The following ATRNL1 variants were observed in gnomAD, a reference collection of about 807,000 sequenced individuals.
The protein encoded by ATRNL1 is attractin-like protein 1.
In ATRNL1, 95 loss-of-function variants were observed where a neutral mutation model predicts 182.7. The observed-to-expected ratio is 0.52, with a 90% confidence interval of 0.44 to 0.62. ATRNL1 has a LOEUF of 0.62. ATRNL1 is among the 20% of genes least tolerant of loss of function. ATRNL1 has a pLI of 0.00. For missense variants in ATRNL1, 1,471 were observed against 1,679.5 expected, an observed-to-expected ratio of 0.88 and a Z score of 2.17; for synonymous variants, 576 against 568.3, an observed-to-expected ratio of 1.01 and a Z score of -0.19.
At chr10:115,487,882 T>C (rs1849103455) in intron 24 of ATRNL1, among the ~76,000 whole-genome samples, 1 of 152,222 alleles carries the variant, frequency 6.6e-6, no homozygotes, top group African/African-American at 2.4e-5. Context: ...TAAATAGCTC[T>C]TATTATTTTG....
At chr10:115,551,825 A>G (rs1218649574) in intron 26 of ATRNL1, among the ~76,000 whole-genome samples, 4 of 151,494 alleles carry the variant, frequency 2.6e-5, no homozygotes, top group African/African-American at 7.2e-5. Context: ...CCCCTTATCC[A>G]TAGTTTCAGT....
chr10:115,174,413 C>T (rs1847414860), intron 8 of ATRNL1, among the ~76,000 whole-genome samples: 1 of 151,698 alleles, frequency 6.6e-6, no homozygotes, highest in Non-Finnish European at 1.5e-5. Flanking sequence ...TAAAGTTAAG[C>T]AATACTCTTA....
intron 6 of ATRNL1, 114 bp from the exon 7 acceptor site, chr10:115,165,444 A>G: frequency 2.1e-6 from 1 of 481,712 alleles, no homozygotes; most frequent in East Asian, 3.1e-5. Flanking sequence ...TATTAGTTGT[A>G]ACTCTTTTTG....
chr10:115,685,833 A>G (rs1278152355), intron 26 of ATRNL1, among the ~76,000 whole-genome samples: 4 of 151,744 alleles, frequency 2.6e-5, no homozygotes, highest in African/African-American at 9.7e-5. Context: ...TATATTTTGC[A>G]TGTAATTTAA....
intron 24 of ATRNL1, among the ~76,000 whole-genome samples, chr10:115,476,046 A>G (rs1426946756): frequency 6.6e-6 from 1 of 151,270 alleles, no homozygotes; most frequent in Non-Finnish European, 1.5e-5. Flanking sequence ...TTTCTGATAT[A>G]TACTCTACAG....
intron 5 of ATRNL1, among the ~76,000 whole-genome samples, chr10:115,142,577 A>G (rs1334487735): frequency 6.6e-6 from 1 of 152,194 alleles, no homozygotes; most frequent in Non-Finnish European, 1.5e-5. Flanking sequence ...TCTTACCCTA[A>G]GTGAAATGAG....
intron 27 of ATRNL1, among the ~76,000 whole-genome samples, chr10:115,737,442 A>C (rs1176207278): frequency 5.9e-5 from 9 of 152,056 alleles, no homozygotes; most frequent in African/African-American, 1.9e-4. Flanking sequence ...TCTAAAAAAA[A>C]AAAAAGAAAA....
At chr10:115,871,695 A>G (rs2134418295) in intron 28 of ATRNL1, among the ~76,000 whole-genome samples, 1 of 152,168 alleles carries the variant, frequency 6.6e-6, no homozygotes, top group South Asian at 2.1e-4. Context: ...TGAAAGTCAT[A>G]ATTTTCCAAA....
chr10:115,095,886 G>C (rs2084999613), intron 1 of ATRNL1, among the ~76,000 whole-genome samples: 1 of 152,134 alleles, frequency 6.6e-6, no homozygotes, highest in South Asian at 2.1e-4. Context: ...TGGCTTTTGT[G>C]TGGGTGGGTT....
chr10:115,738,126 A>ATTTTTTTTTTTTTT lies in ATRNL1; in HGVS notation c.3903+10788_3903+10801dup, dbSNP rs10546896. ...ATAAAAAATGATTTAGAAGATAATG[A>ATTTTTTTTTTTTTT]TTTTTTTTTTTTTTTTTTTTTTTTT... On this transcript the variant is annotated intron_variant, in intron 27 of 28. Coordinates refer to ENST00000355044, the MANE Select transcript of ATRNL1 (RefSeq NM_207303.4). 1.6e-3 allele frequency among the ~76,000 whole-genome samples: 76 copies of ATTTTTTTTTTTTTT among 47,104 alleles called. 9 individuals are homozygous for ATTTTTTTTTTTTTT. Among genetic ancestry groups the ATTTTTTTTTTTTTT allele is most frequent in the African/African-American group, 2.8e-3 (43 of 15,224 alleles). 30.9% of individuals were successfully genotyped at this position (47,104 alleles called of 152,430 possible). A position where few individuals can be genotyped will look rare whatever the true frequency, so the allele number is the denominator to read the frequency against.
intron 28 of ATRNL1, among the ~76,000 whole-genome samples, chr10:115,849,957 C>T (rs573245835): frequency 1.3e-5 from 2 of 152,268 alleles, no homozygotes; most frequent in South Asian, 4.1e-4. Context: ...ATTGAAATAG[C>T]TTACCATACT....
chr10:115,624,632 G>T (rs1555024089), intron 26 of ATRNL1, among the ~76,000 whole-genome samples: 1 of 152,154 alleles, frequency 6.6e-6, no homozygotes, highest in African/African-American at 2.4e-5. Flanking sequence ...GTATTTTGAA[G>T]TAGGCCATGA....
chr10:115,130,484 T>C (rs1440449170), intron 5 of ATRNL1, among the ~76,000 whole-genome samples: 1 of 152,102 alleles, frequency 6.6e-6, no homozygotes, highest in Non-Finnish European at 1.5e-5. Flanking sequence ...TATTTTAGGC[T>C]TTGTGTAAAT....
intron 8 of ATRNL1, among the ~76,000 whole-genome samples, chr10:115,195,165 C>G (rs563638521): frequency 6.6e-6 from 1 of 151,860 alleles, no homozygotes; most frequent in Non-Finnish European, 1.5e-5. Flanking sequence ...TAAGCGTATT[C>G]TCTGTATGTT....
intron 27 of ATRNL1, among the ~76,000 whole-genome samples, chr10:115,840,099 G>T (rs2907551): frequency 0.77 from 117,453 of 152,116 alleles, 45,439 homozygotes; most frequent in Admixed American, 0.83. Context: ...GTCTGTTCTC[G>T]GCAGCATATA....
At chr10:115,721,517 G>A (rs1947424587) in intron 26 of ATRNL1, among the ~76,000 whole-genome samples, 2 of 152,046 alleles carry the variant, frequency 1.3e-5, no homozygotes, top group African/African-American at 4.8e-5. Flanking sequence ...ATGGTGGGGG[G>A]CCAAAGCACT....
At chr10:115,094,111 C>A (rs1381511837) in intron 1 of ATRNL1, 68 bp downstream of exon 1, 1 of 1,287,744 alleles carries the variant, frequency 7.8e-7, no homozygotes, top group Non-Finnish European at 9.9e-7. Context: ...TCCCCGCCCC[C>A]CTCGCGGCCT....
At chr10:115,439,693 A>G (rs12217493) in intron 21 of ATRNL1, among the ~76,000 whole-genome samples, 33,690 of 151,656 alleles carry the variant, frequency 0.22, 4,703 homozygotes, top group Non-Finnish European at 0.32. Context: ...ACTATTCTGG[A>G]CTATCCTGGT....
chr10:115,398,481 T>C (rs1349650905), intron 20 of ATRNL1, among the ~76,000 whole-genome samples: 1 of 152,046 alleles, frequency 6.6e-6, no homozygotes. Flanking sequence ...CAGTTATGAA[T>C]GGAAGTTCTT....
Sources: gnomAD v4.1 joint callset for allele counts (sites outside exome capture counted in the v4.1 genomes callset) on GRCh38, gnomAD v4.1.1 for gene constraint, MANE v1.5 for transcripts, NCBI Gene and HGNC (gene_info 2026-07-23, HGNC 2026-07-21) for gene names.